PCDH15: variants seen among roughly 807,000 people sequenced by gnomAD.
PCDH15 encodes protocadherin-15.
Under a neutral mutation model 178.5 loss-of-function variants are expected in PCDH15, and 129 were observed. The ratio of observed to expected loss-of-function variants is 0.72; its 90% CI spans 0.63 to 0.84. The LOEUF (loss-of-function observed/expected upper bound fraction) is 0.84, where lower values mean the gene tolerates loss of function less well. Among genes scored for constraint, PCDH15 ranks in the 40% least tolerant of loss-of-function variants. PCDH15 has a pLI of 0.00. For synonymous variants in PCDH15, 800 were observed against 732.0 expected, an observed-to-expected ratio of 1.09 and a Z score of -1.50; for missense variants, 2,230 against 2,099.9, an observed-to-expected ratio of 1.06 and a Z score of -1.21.
chr10:54,697,536 C>A (rs984769637), intron 1 of PCDH15, among the ~76,000 whole-genome samples: 2 of 121,574 alleles, frequency 1.6e-5, no homozygotes, highest in Admixed American at 8.0e-5. Flanking sequence ...TATATATATA[C>A]CTCTTTACAT....
chr10:53,902,924 T>C (rs976609723), intron 26 of PCDH15, among the ~76,000 whole-genome samples: 3 of 152,148 alleles, frequency 2.0e-5, no homozygotes, highest in African/African-American at 7.2e-5. Context: ...AGAGATTTCA[T>C]TTTGAGAATC....
chr10:54,829,800 T>A (rs1953193317), intron 3 of PCDH15, among the ~76,000 whole-genome samples: 1 of 152,094 alleles, frequency 6.6e-6, no homozygotes, highest in Admixed American at 6.6e-5. Flanking sequence ...CTGCTTTTAT[T>A]CTCAAAAGCA....
upstream of PCDH15, among the ~76,000 whole-genome samples, chr10:55,323,991 CATTTT>C: frequency 6.6e-6 from 1 of 152,048 alleles, no homozygotes; most frequent in Non-Finnish European, 1.5e-5. Flanking sequence ...TCCCCCATGC[CATTTT>C]CCTGGTAATG....
chr10:55,543,247 A>G (rs1312662680), intron 2 of PCDH15, among the ~76,000 whole-genome samples: 2 of 150,690 alleles, frequency 1.3e-5, no homozygotes, highest in Admixed American at 1.3e-4. Context: ...GTGTGTGTCT[A>G]TATATATAAT....
intron 1 of PCDH15, among the ~76,000 whole-genome samples, chr10:54,798,317 A>T (rs1408114863): frequency 6.6e-6 from 1 of 152,054 alleles, no homozygotes; most frequent in Non-Finnish European, 1.5e-5. Context: ...GGTCACTGTT[A>T]GTTTTGAATC....
At chr10:54,170,921 G>GC (rs1283450058) in intron 13 of PCDH15, among the ~76,000 whole-genome samples, 2 of 152,056 alleles carry the variant, frequency 1.3e-5, no homozygotes, top group East Asian at 1.9e-4. Flanking sequence ...GATTATTCAG[G>GC]CCCCCTCCCT....
chr10:55,400,574 T>C (rs1838038179), intron 2 of PCDH15, among the ~76,000 whole-genome samples: 1 of 152,132 alleles, frequency 6.6e-6, no homozygotes, highest in African/African-American at 2.4e-5. Flanking sequence ...ATATTCTCCG[T>C]GCTCCCATGG....
chr10:53,959,917 T>C, intron 22 of PCDH15, 73 bp from the exon 23 acceptor site: 2 of 1,143,412 alleles, frequency 1.7e-6, no homozygotes, highest in Non-Finnish European at 2.6e-6. Context: ...TTTATATGTA[T>C]GTTTTTACTT....
At chr10:54,912,417 T>C (rs1232151552) in intron 2 of PCDH15, among the ~76,000 whole-genome samples, 2 of 152,058 alleles carry the variant, frequency 1.3e-5, no homozygotes, top group Admixed American at 1.3e-4. Flanking sequence ...TACCAGCTGC[T>C]TGTTTAAAGG....
intron 1 of PCDH15, among the ~76,000 whole-genome samples, chr10:55,276,911 T>C (rs1268929117): frequency 6.6e-6 from 1 of 152,068 alleles, no homozygotes; most frequent in Non-Finnish European, 1.5e-5. Context: ...CTCAGGGCTC[T>C]CAAAGCAGAG....
chr10:55,590,292 A>G (rs1475294128), intron 2 of PCDH15, among the ~76,000 whole-genome samples: 8 of 124,338 alleles, frequency 6.4e-5, no homozygotes, highest in Non-Finnish European at 1.3e-4. Context: ...GAAGGGGAAC[A>G]TCACACTCTG....
intron 2 of PCDH15, among the ~76,000 whole-genome samples, chr10:55,025,803 G>A (rs1363461458): frequency 6.6e-6 from 1 of 151,872 alleles, no homozygotes; most frequent in East Asian, 1.9e-4. Context: ...TTGATATTTA[G>A]TATATATTAA....
At chr10:53,949,474 A>G (rs1172196297) in intron 23 of PCDH15, among the ~76,000 whole-genome samples, 1 of 152,218 alleles carries the variant, frequency 6.6e-6, no homozygotes, top group Non-Finnish European at 1.5e-5. Flanking sequence ...ACTATTGTTC[A>G]TCTTATTAAA....
At chr10:54,270,440 A>G (rs1269667509) in intron 8 of PCDH15, among the ~76,000 whole-genome samples, 2 of 152,144 alleles carry the variant, frequency 1.3e-5, no homozygotes, top group Admixed American at 6.6e-5. Flanking sequence ...CACTTCCTGA[A>G]TTGCACAAAC....
intron 2 of PCDH15, among the ~76,000 whole-genome samples, chr10:55,615,929 A>G (rs1916525): frequency 0.059 from 8,914 of 152,188 alleles, 576 homozygotes; most frequent in East Asian, 0.31. Context: ...AATGTGCACA[A>G]AAATGTATAA....
At position 54,637,270 on chromosome 10, in the gene PCDH15, TAA is replaced by T. The variant is rs201461872; in HGVS notation, c.91+26900_91+26901del. 3.0e-4 allele frequency among the ~76,000 whole-genome samples: 46 copies of T among 152,042 alleles called. No homozygotes were observed. The East Asian group carries it at 8.1e-3, about 27-fold the overall frequency. On this transcript the variant is annotated intron_variant, in intron 2 of 37. Coordinates refer to ENST00000644397, the MANE Select transcript of PCDH15 (RefSeq NM_001384140.1). ...ATCCCTCACTATGCTGTAAAATCTA[TAA>T]GAGAGGTGTTAGTTTTCTATCACTA...
At position 54,712,057 on chromosome 10, in the gene PCDH15, C is replaced by T. The variant is rs929468410; in HGVS notation, c.-28-47767G>A. 3.3e-5 allele frequency among the ~76,000 whole-genome samples: 5 copies of T among 151,714 alleles called. No individual in the cohort carries two copies. In the East Asian group the frequency reaches 7.8e-4, roughly 24 times the overall value. ...TACTTACAGGTATTTCTCGTATATA[C>T]GTAGTAGTGTAATTTGTTCCCTGAG... On this transcript the variant is annotated intron_variant, in intron 1 of 37. Coordinates refer to ENST00000644397, the MANE Select transcript of PCDH15 (RefSeq NM_001384140.1).
intron 1 of PCDH15, among the ~76,000 whole-genome samples, chr10:55,196,549 A>T (rs890115075): frequency 6.6e-6 from 1 of 152,078 alleles, no homozygotes; most frequent in East Asian, 1.9e-4. Flanking sequence ...CACAGGTACA[A>T]TATAAGGACA....
chr10:55,264,922 G>C (rs1295235001), intron 1 of PCDH15, among the ~76,000 whole-genome samples: 2 of 152,116 alleles, frequency 1.3e-5, no homozygotes, highest in African/African-American at 4.8e-5. Context: ...CCAGACCTTT[G>C]CCAACAGTGT....
Sources: allele counts gnomAD v4.1 joint callset (sites outside exome capture counted in the v4.1 genomes callset), GRCh38; gene constraint gnomAD v4.1.1; transcripts MANE v1.5; gene names NCBI Gene and HGNC (gene_info 2026-07-23, HGNC 2026-07-21).